Variants in ANK3 observed in about 807,000 individuals in gnomAD.
ANK3 encodes the protein ankyrin-3.
Under a neutral mutation model 370.9 loss-of-function variants are expected in ANK3, and 57 were observed. The ratio of observed to expected loss-of-function variants is 0.15; its 90% CI spans 0.12 to 0.19. ANK3 has a LOEUF of 0.19. Ranked by LOEUF, ANK3 falls within the 10% of genes least tolerant of loss-of-function variation. ANK3 has a pLI of 1.00. For synonymous variants in ANK3, 1,929 were observed against 1,946.3 expected (o/e 0.99, Z 0.23); for missense variants, 4,439 against 5,302.1 (o/e 0.84, Z 5.06).
intron 1 of ANK3, among the ~76,000 whole-genome samples, chr10:60,379,046 C>T (rs575321442): frequency 2.0e-5 from 3 of 152,110 alleles, no homozygotes; most frequent in East Asian, 3.9e-4. Context: ...TAAAAATGGG[C>T]AAATTATCTG....
At chr10:60,726,687 G>C (rs572067842) in intron 1 of ANK3, among the ~76,000 whole-genome samples, 2 of 152,092 alleles carry the variant, frequency 1.3e-5, no homozygotes, top group South Asian at 2.1e-4. Context: ...TCCTATTTGA[G>C]AGTGATAGAA....
At chr10:60,256,230 T>A (rs2097732623) in intron 7 of ANK3, among the ~76,000 whole-genome samples, 1 of 152,266 alleles carries the variant, frequency 6.6e-6, no homozygotes, top group Admixed American at 6.5e-5. Flanking sequence ...CCTTGGTGCC[T>A]GAACAAATTG....
intron 7 of ANK3, among the ~76,000 whole-genome samples, chr10:60,240,745 C>G (rs986258235): frequency 2.6e-5 from 4 of 152,088 alleles, no homozygotes; most frequent in Non-Finnish European, 4.4e-5. Context: ...GTGCTCACCA[C>G]CATGCCCAAA....
At chr10:60,085,294 G>A in intron 30 of ANK3, 41 bp from the exon 31 acceptor site, 1 of 1,483,504 alleles carries the variant, frequency 6.7e-7, no homozygotes, top group South Asian at 1.2e-5. Context: ...TATCATGGGA[G>A]ATGCTCCTTG....
chr10:60,410,876 G>A (rs1290933706), intron 2 of ANK3, among the ~76,000 whole-genome samples: 1 of 151,674 alleles, frequency 6.6e-6, no homozygotes, highest in Non-Finnish European at 1.5e-5. Flanking sequence ...CTCCCTATGT[G>A]TTGCTCATGC....
In ANK3 at chr10:60,053,236, A is replaced by G. The variant is rs1270368508; in HGVS notation, c.13065+2422T>C. Among the ~76,000 whole-genome samples, 3 of 152,216 alleles carry G rather than the reference A, an allele frequency of 2.0e-5. No individual in the cohort carries two copies. In the East Asian group the frequency reaches 5.8e-4, roughly 29 times the overall value. On this transcript the variant is annotated intron_variant, in intron 42 of 43. Transcript: ENST00000280772. ...GGAATCTGTGTTGACGAAAGAAAAG[A>G]ATTATTAGCATTCCAGGATTAATGG...
chr10:60,615,332 A>T, intron 1 of ANK3: 2 of 669,054 alleles, frequency 3.0e-6, no homozygotes, highest in Non-Finnish European at 4.6e-6. Flanking sequence ...AAACATAGTA[A>T]GTTCCTTAAA....
At chr10:60,526,032 C>T (rs1160136486) in intron 2 of ANK3, among the ~76,000 whole-genome samples, 1 of 152,076 alleles carries the variant, frequency 6.6e-6, no homozygotes, top group African/African-American at 2.4e-5. Context: ...GTAATGTGAG[C>T]TAGCCCAGGT....
chr10:60,460,814 C>G (rs994389883), intron 2 of ANK3, among the ~76,000 whole-genome samples: 2 of 152,140 alleles, frequency 1.3e-5, no homozygotes, highest in African/African-American at 4.8e-5. Context: ...TGAATGGACA[C>G]TTCAATTATT....
Position 60,355,482 on chromosome 10 carries a change from A to G in ANK3, c.114+33943T>C, listed in dbSNP as rs2057582648. On this transcript the variant is annotated intron_variant, in intron 1 of 43. Transcript: ENST00000280772. ...GTCATTGCCCATGACCTTGTTGGACAGAGCTAGGAGATTGGGCAAAGTTCT... is the reference window on the plus strand; with the variant it reads ...GTCATTGCCCATGACCTTGTTGGACGGAGCTAGGAGATTGGGCAAAGTTCT... Among the ~76,000 whole-genome samples the G allele has an allele frequency of 3.9e-5, 6 of 152,172 alleles. No homozygotes were observed. The South Asian group carries it at 1.2e-3, about 32-fold the overall frequency.
chr10:60,185,076 T>C (rs2132357783), intron 17 of ANK3, among the ~76,000 whole-genome samples: 1 of 152,260 alleles, frequency 6.6e-6, no homozygotes, highest in Admixed American at 6.5e-5. Flanking sequence ...ATAATGACGA[T>C]TATGAAATTG....
intron 1 of ANK3, among the ~76,000 whole-genome samples, chr10:60,645,287 G>A (rs1026160629): frequency 3.9e-5 from 6 of 152,120 alleles, no homozygotes; most frequent in Non-Finnish European, 5.9e-5. Context: ...TAAAAAGAAA[G>A]CTAAGCCACT....
In ANK3 at chr10:60,668,853, C is replaced by T. The variant is rs535583604; in HGVS notation, c.58-53629G>A. Among the ~76,000 whole-genome samples, 710 of 152,196 alleles carry T rather than the reference C, an allele frequency of 4.7e-3. 15 individuals are homozygous for T. The highest frequency in any genetic ancestry group is 9.0e-4 in the Non-Finnish European group (61 of 68,012). Reference sequence around the variant, plus strand: ...CTAATAAATACAAAAATTAGCCGGGCGCGGTGGCGTGCACCTGTATTCCCA... The same window carrying T: ...CTAATAAATACAAAAATTAGCCGGGTGCGGTGGCGTGCACCTGTATTCCCA... On this transcript the variant is annotated intron_variant, in intron 1 of 43. Transcript: ENST00000373827.
chr10:60,045,428 C>A (rs1403600030), intron 42 of ANK3, among the ~76,000 whole-genome samples: 2 of 152,142 alleles, frequency 1.3e-5, no homozygotes, highest in African/African-American at 4.8e-5. Flanking sequence ...TCTCCACTAG[C>A]TCTATGATTG....
At chr10:60,565,006 T>A (rs972564482) in intron 2 of ANK3, among the ~76,000 whole-genome samples, 1 of 152,028 alleles carries the variant, frequency 6.6e-6, no homozygotes, top group African/African-American at 2.4e-5. Flanking sequence ...AATGAAGCAC[T>A]CAAGGGACCA....
In ANK3 at chr10:60,470,971, G is replaced by A. The variant is rs372825026; in HGVS notation, c.96+144215C>T. Among the ~76,000 whole-genome samples the A allele has an allele frequency of 1.1e-4, 16 of 152,112 alleles. No individual in the cohort carries two copies. In the East Asian group the frequency reaches 2.7e-3, roughly 26 times the overall value. On this transcript the variant is annotated intron_variant, in intron 2 of 43. Coordinates refer to the ANK3 transcript ENST00000373827. Reference sequence around the variant, plus strand: ...GCAATCCTCTGACTTTCTAGGATATGTCTTTTATCTCCCCTGGTGCCCTTA... The same window carrying A: ...GCAATCCTCTGACTTTCTAGGATATATCTTTTATCTCCCCTGGTGCCCTTA...
intron 21 of ANK3, among the ~76,000 whole-genome samples, chr10:60,168,829 A>T (rs111940903): frequency 6.6e-6 from 1 of 152,154 alleles, no homozygotes; most frequent in Non-Finnish European, 1.5e-5. Context: ...TTTGCTGAGG[A>T]TAACAGCTTC....
At chr10:60,178,494 C>A (rs4948255) in intron 18 of ANK3, among the ~76,000 whole-genome samples, 1 of 151,872 alleles carries the variant, frequency 6.6e-6, no homozygotes, top group East Asian at 1.9e-4. Flanking sequence ...GAATAGTACC[C>A]GGCATAGAGA....
chr10:60,557,101 T>C (rs2077224538), intron 2 of ANK3, among the ~76,000 whole-genome samples: 1 of 152,140 alleles, frequency 6.6e-6, no homozygotes, highest in African/African-American at 2.4e-5. Flanking sequence ...GCCAAAAAAT[T>C]TGGGGACCAC....
Sources: gnomAD v4.1 joint callset for allele counts (sites outside exome capture counted in the v4.1 genomes callset) on GRCh38, gnomAD v4.1.1 for gene constraint, MANE v1.5 for transcripts, NCBI Gene and HGNC (gene_info 2026-07-23, HGNC 2026-07-21) for gene names.